Variants in ZC3H12B observed in about 807,000 individuals in gnomAD.
ZC3H12B encodes the protein probable ribonuclease ZC3H12B.
ZC3H12B carries 7 observed loss-of-function variants against 43.9 expected under a neutral mutation model. That is an observed-to-expected ratio of 0.16 (90% CI 0.09 to 0.30). The LOEUF (loss-of-function observed/expected upper bound fraction) is 0.30. Among genes scored for constraint, ZC3H12B ranks in the 10% least tolerant of loss-of-function variants. ZC3H12B has a pLI of 1.00. For missense variants in ZC3H12B, 475 were observed against 670.2 expected (o/e 0.71, Z 3.22); for synonymous variants, 222 against 241.7 (o/e 0.92, Z 0.76).
the ZC3H12B span, among the ~76,000 whole-genome samples, chrX:65,121,082 G>A: frequency 3.6e-5 from 4 of 111,265 alleles, no homozygotes; most frequent in African/African-American, 1.3e-4. Context: ...TTGCATCAAT[G>A]TTCATCAGGG....
chrX:65,192,467 A>G, the ZC3H12B span, among the ~76,000 whole-genome samples: 1 of 111,519 alleles, frequency 9.0e-6, no homozygotes, highest in African/African-American at 3.3e-5. Flanking sequence ...TTTCCTCAGT[A>G]TGATAGTAGC....
At chrX:65,131,129 A>C in the ZC3H12B span, among the ~76,000 whole-genome samples, 1 of 111,414 alleles carries the variant, frequency 9.0e-6, no homozygotes, top group Non-Finnish European at 1.9e-5. Flanking sequence ...AAGAGTGTGG[A>C]CTCGAGTTAA....
chrX:65,309,223 G>C, the ZC3H12B span, among the ~76,000 whole-genome samples: 1 of 107,792 alleles, frequency 9.3e-6, no homozygotes, highest in Admixed American at 9.9e-5. Context: ...TTTTTGAAAA[G>C]ATCAACAAAA....
At chrX:65,170,502 A>G in the ZC3H12B span, among the ~76,000 whole-genome samples, 1 of 110,883 alleles carries the variant, frequency 9.0e-6, no homozygotes, top group African/African-American at 3.3e-5. Flanking sequence ...GAATCTGACA[A>G]TTATTTGTCT....
At chrX:65,259,784 CA>C in the ZC3H12B span, among the ~76,000 whole-genome samples, 80 of 111,623 alleles carry the variant, frequency 7.2e-4, 1 homozygote, top group East Asian at 0.021. Context: ...GTGTTTATAG[CA>C]GCACAATTTT....
chrX:65,362,283 C>G (rs2066113774), upstream of ZC3H12B, among the ~76,000 whole-genome samples: 1 of 111,458 alleles, frequency 9.0e-6, no homozygotes. Context: ...TACCTGGAGG[C>G]TACCCACTCC....
At chrX:65,454,429 G>A (rs2067573451) in intron 3 of ZC3H12B, among the ~76,000 whole-genome samples, 1 of 112,191 alleles carries the variant, frequency 8.9e-6, no homozygotes, top group East Asian at 2.8e-4. Flanking sequence ...GTGAGGCAGG[G>A]GGAGGGGCGC....
chrX:65,374,552 T>G (rs918591610), intron 2 of ZC3H12B, among the ~76,000 whole-genome samples: 2 of 109,225 alleles, frequency 1.8e-5, no homozygotes, highest in African/African-American at 6.7e-5. Flanking sequence ...GTAATAACTA[T>G]CTAAACAAAA....
intron 3 of ZC3H12B, among the ~76,000 whole-genome samples, chrX:65,448,557 C>G (rs1361756924): frequency 8.9e-6 from 1 of 111,791 alleles, no homozygotes; most frequent in Non-Finnish European, 1.9e-5. Context: ...TGGCTCATGC[C>G]TGTAATCTCA....
the ZC3H12B span, among the ~76,000 whole-genome samples, chrX:65,044,856 G>A: frequency 9.1e-6 from 1 of 109,743 alleles, no homozygotes; most frequent in East Asian, 2.9e-4. Flanking sequence ...ATGGCCAGGA[G>A]TGGTGGCTCA....
At chrX:65,283,302 T>A in the ZC3H12B span, among the ~76,000 whole-genome samples, 1 of 111,691 alleles carries the variant, frequency 9.0e-6, no homozygotes, top group Non-Finnish European at 1.9e-5. Flanking sequence ...CTCAGTAAAC[T>A]AGGTATTGAT....
At chrX:65,159,473 G>T in the ZC3H12B span, among the ~76,000 whole-genome samples, 3 of 111,488 alleles carry the variant, frequency 2.7e-5, no homozygotes, top group African/African-American at 9.8e-5. Context: ...CCTTCAGGAG[G>T]TCCTTCACAT....
intron 2 of ZC3H12B, among the ~76,000 whole-genome samples, chrX:65,385,132 G>A (rs2066503310): frequency 8.9e-6 from 1 of 112,132 alleles, no homozygotes; most frequent in Non-Finnish European, 1.9e-5. Context: ...GGCAATGCAG[G>A]CTCTTTTTCG....
the ZC3H12B span, among the ~76,000 whole-genome samples, chrX:65,162,818 G>A: frequency 8.0e-5 from 9 of 112,170 alleles, no homozygotes; most frequent in African/African-American, 1.6e-4. Context: ...GAGGAACTGC[G>A]TTCCTTTGGA....
intron 2 of ZC3H12B, among the ~76,000 whole-genome samples, chrX:65,398,020 C>T (rs140319717): frequency 0.018 from 2,030 of 111,256 alleles, 36 homozygotes; most frequent in Middle Eastern, 0.033. Flanking sequence ...TGAAGGTAAT[C>T]CCATTTACAA....
the ZC3H12B span, among the ~76,000 whole-genome samples, chrX:65,139,371 G>T: frequency 8.1e-5 from 9 of 111,671 alleles, no homozygotes; most frequent in Non-Finnish European, 1.5e-4. Flanking sequence ...TGCATTCCTG[G>T]TACCTTTATG....
the ZC3H12B span, among the ~76,000 whole-genome samples, chrX:65,162,519 A>G: frequency 4.5e-5 from 5 of 110,987 alleles, no homozygotes; most frequent in Non-Finnish European, 9.4e-5. Context: ...CATTCATTTC[A>G]TCTTTCATGA....
chrX:65,364,314 TG>T (rs1297792690), upstream of ZC3H12B, among the ~76,000 whole-genome samples: 1 of 109,212 alleles, frequency 9.2e-6, no homozygotes, highest in African/African-American at 3.4e-5. Context: ...ACCACCCTGC[TG>T]TTATATGGGC....
At chrX:65,110,555 G>T in the ZC3H12B span, among the ~76,000 whole-genome samples, 1 of 110,813 alleles carries the variant, frequency 9.0e-6, no homozygotes, top group African/African-American at 3.3e-5. Flanking sequence ...ACTTGAATTT[G>T]CACCTCTGTC....
Sources: allele counts gnomAD v4.1 joint callset (sites outside exome capture counted in the v4.1 genomes callset), GRCh38; gene constraint gnomAD v4.1.1; transcripts MANE v1.5; gene names NCBI Gene and HGNC (gene_info 2026-07-23, HGNC 2026-07-21).